Variants in KLRG1 observed in about 807,000 individuals in gnomAD.
The protein encoded by KLRG1 is killer cell lectin-like receptor subfamily G member 1.
In KLRG1, 16 loss-of-function variants were observed where a neutral mutation model predicts 21.8. The observed-to-expected ratio is 0.73, with a 90% CI of 0.50 to 1.11. The LOEUF is 1.11. Among genes scored for constraint, KLRG1 ranks in the 50% most tolerant of loss-of-function variants. The pLI, the probability that KLRG1 is intolerant of heterozygous loss-of-function variation, is 0.00. For missense variants in KLRG1, 173 were observed against 218.3 expected (o/e 0.79, Z 1.31); for synonymous variants, 69 against 75.9 (o/e 0.91, Z 0.47).
intron 3 of KLRG1, among the ~76,000 whole-genome samples, chr12:9,001,678 CT>C (rs1171328198): frequency 3.9e-5 from 6 of 152,174 alleles, no homozygotes; most frequent in Admixed American, 1.3e-4. Context: ...CTAATAGATG[CT>C]TTGCACAGAT....
chr12:9,183,554 C>T, the KLRG1 span, among the ~76,000 whole-genome samples: 1 of 152,088 alleles, frequency 6.6e-6, no homozygotes, highest in African/African-American at 2.4e-5. Flanking sequence ...TGCACAACAC[C>T]ACGTTTGGCT....
chr12:8,992,882 C>T (rs1947015375), intron 2 of KLRG1, among the ~76,000 whole-genome samples: 1 of 151,952 alleles, frequency 6.6e-6, no homozygotes, highest in Non-Finnish European at 1.5e-5. Context: ...TAAAATTTCT[C>T]CCACCTTTCT....
chr12:8,960,759 G>T (rs1946368532), intron 1 of KLRG1, among the ~76,000 whole-genome samples: 1 of 152,194 alleles, frequency 6.6e-6, no homozygotes, highest in Non-Finnish European at 1.5e-5. Context: ...TTATTGTCCA[G>T]TATAATAAAG....
the KLRG1 span, among the ~76,000 whole-genome samples, chr12:9,121,790 G>A: frequency 6.6e-6 from 1 of 152,152 alleles, no homozygotes; most frequent in Non-Finnish European, 1.5e-5. This position sits in a 1 kb window ranked among gnomAD's most constrained non-coding sequence, Gnocchi z 4.4. Context: ...TTTGTATAAT[G>A]AATCTGTCCC....
the KLRG1 span, among the ~76,000 whole-genome samples, chr12:9,213,994 A>G: frequency 6.6e-6 from 1 of 151,924 alleles, no homozygotes; most frequent in African/African-American, 2.4e-5. Flanking sequence ...GATTTGAGTT[A>G]ATTTTTTGTA....
At chr12:8,978,372 T>G (rs1309677194) in intron 1 of KLRG1, among the ~76,000 whole-genome samples, 1 of 152,204 alleles carries the variant, frequency 6.6e-6, no homozygotes, top group Admixed American at 6.5e-5. Flanking sequence ...ATTTTTAGTA[T>G]AGATGAATTC....
chr12:8,992,027 G>C, intron 1 of KLRG1, 179 bp from the exon 2 acceptor site: 1 of 530,382 alleles, frequency 1.9e-6, no homozygotes. Flanking sequence ...TACAGGTGTT[G>C]GTGGTTACCT....
the KLRG1 span, chr12:9,079,594 G>A: frequency 6.4e-7 from 1 of 1,564,908 alleles, no homozygotes; most frequent in Non-Finnish European, 8.8e-7. Flanking sequence ...GGGAAATCCA[G>A]TTGAAATAAC....
At chr12:9,117,303 A>C in the KLRG1 span, among the ~76,000 whole-genome samples, 2 of 152,236 alleles carry the variant, frequency 1.3e-5, no homozygotes, top group African/African-American at 4.8e-5. Context: ...CTCTTATTGA[A>C]ATTTGAAAGG....
At chr12:9,021,372 T>C in the KLRG1 span, among the ~76,000 whole-genome samples, 1 of 151,878 alleles carries the variant, frequency 6.6e-6, no homozygotes, top group Non-Finnish European at 1.5e-5. Flanking sequence ...TTATAAACTT[T>C]TACATTTACA....
the KLRG1 span, among the ~76,000 whole-genome samples, chr12:9,059,839 C>T: frequency 1.6e-4 from 24 of 151,786 alleles, no homozygotes; most frequent in Non-Finnish European, 3.2e-4. Context: ...GCCACTATGC[C>T]CGGCTAATTT....
chr12:9,075,594 A>G, the KLRG1 span, among the ~76,000 whole-genome samples: 1 of 152,238 alleles, frequency 6.6e-6, no homozygotes, highest in Non-Finnish European at 1.5e-5. Flanking sequence ...CTTAGAAAAT[A>G]AAAAGCAGAC....
chr12:9,125,249 C>T, the KLRG1 span, among the ~76,000 whole-genome samples: 1 of 152,214 alleles, frequency 6.6e-6, no homozygotes, highest in African/African-American at 2.4e-5. Flanking sequence ...CTCCTCTGAG[C>T]TGTTCTAAAA....
the KLRG1 span, chr12:9,091,287 C>T: frequency 6.2e-7 from 1 of 1,613,980 alleles, no homozygotes; most frequent in Non-Finnish European, 8.5e-7. Context: ...ATTGTGAGCT[C>T]CACAAAGAAG....
rs1947161094 is a variant in KLRG1, at chr12:8,997,258, A to G, written c.357+1970A>G. ...GGAGAGGGCGGAATGTCCCTGCTAG[A>G]TGTCATAAGTTTTACTTTTAACATT... is the stretch of plus-strand genomic sequence containing the variant. On this transcript the variant is annotated intron_variant, in intron 3 of 4. Transcript: ENST00000356986. Among the ~76,000 whole-genome samples, 2 of 152,158 alleles carry G rather than the reference A, an allele frequency of 1.3e-5. 1 individual carries two copies. The highest frequency in any genetic ancestry group is 4.1e-4 in the South Asian group (2 of 4,838).
At chr12:9,169,024 T>C in the KLRG1 span, 3 of 1,330,690 alleles carry the variant, frequency 2.3e-6, 1 homozygote, top group East Asian at 6.9e-5. Context: ...TTAGAATATA[T>C]AAAACATATT....
At chr12:9,153,845 T>C in the KLRG1 span, among the ~76,000 whole-genome samples, 1 of 152,106 alleles carries the variant, frequency 6.6e-6, no homozygotes, top group Non-Finnish European at 1.5e-5. Flanking sequence ...AGAAGACATG[T>C]AGGAGGGAAA....
At chr12:9,103,343 G>A in the KLRG1 span, among the ~76,000 whole-genome samples, 1 of 151,976 alleles carries the variant, frequency 6.6e-6, no homozygotes, top group African/African-American at 2.4e-5. Flanking sequence ...CTTAAAATAG[G>A]GTTGAGCCAG....
chr12:9,152,254 G>T, the KLRG1 span: 1 of 1,612,932 alleles, frequency 6.2e-7, no homozygotes. Context: ...AATAAAACCA[G>T]ATACCATCTT....
Sources: gnomAD v4.1 joint callset for allele counts (sites outside exome capture counted in the v4.1 genomes callset) on GRCh38, gnomAD v4.1.1 for gene constraint, Gnocchi (gnomAD v3.1) non-coding constraint, MANE v1.5 for transcripts, NCBI Gene and HGNC (gene_info 2026-07-23, HGNC 2026-07-21) for gene names.